The following MIDN variants were observed in gnomAD, a reference collection of about 807,000 sequenced individuals.
MIDN encodes the protein midnolin, also known as midbrain nucleolar protein.
MIDN carries 26 observed loss-of-function variants against 46.1 expected under a neutral mutation model. That is an observed-to-expected ratio of 0.56 (90% confidence interval 0.41 to 0.78). The LOEUF (loss-of-function observed/expected upper bound fraction) is 0.78, where lower values mean the gene tolerates loss of function less well. MIDN is among the 30% of genes least tolerant of loss of function. MIDN has a pLI of 0.00. For missense variants in MIDN, 850 were observed against 771.8 expected (o/e 1.10, Z -1.20); for synonymous variants, 432 against 343.3 (o/e 1.26, Z -2.86).
Position 1,254,451 on chromosome 19 carries a change from C to G in MIDN, c.798C>G (p.Ser266=), listed in dbSNP as rs1192701348. 26 of 1,562,552 alleles carry G rather than the reference C, an allele frequency of 1.7e-5. No individual in the cohort carries two copies. Among genetic ancestry groups the G allele is most frequent in the Non-Finnish European group, 2.2e-5 (26 of 1,161,258 alleles). Residue 266 remains serine (S), a synonymous_variant, in exon 6 of 9, where the codon TCC becomes TCG. Transcript: ENST00000682408. ...PSPITAGSFR[S]HAASTTCPEQ... Reference sequence around the variant, plus strand: ...CCATCACAGCCGGCTCCTTCCGGTCCCACGCAGCCTCCACCACCTGCCCGG... The same window carrying G: ...CCATCACAGCCGGCTCCTTCCGGTCGCACGCAGCCTCCACCACCTGCCCGG...
chr19:1,249,474 C>T (rs2081094138), intron 1 of MIDN, among the ~76,000 whole-genome samples: 1 of 149,860 alleles, frequency 6.7e-6, no homozygotes, highest in Non-Finnish European at 1.5e-5. Flanking sequence ...CGCGCCCCCT[C>T]CCGCTCCCGG....
chr19:1,258,554 C>T lies in MIDN; in HGVS notation c.*1282C>T, dbSNP rs1284555320. On this transcript the variant is annotated 3_prime_UTR_variant, in exon 9 of 9. Transcript: ENST00000682408. ...TAATGATAATGGAGATGTCTGGACC[C>T]TTCCTCACCCCACCTGTCGGTCTTG... The T allele has an allele frequency of 1.3e-5, 2 of 152,392 alleles. No homozygotes were observed. Among genetic ancestry groups the T allele is most frequent in the Admixed American group, 6.5e-5 (1 of 15,268 alleles). The allele number at this position is 152,392 out of a possible 1,614,324, so 9.4% of individuals were successfully genotyped here. A position where few individuals can be genotyped will look rare whatever the true frequency, so the allele number is the denominator to read the frequency against.
chr19:1,257,204 G>A lies in MIDN; in HGVS notation c.1468G>A (p.Asp490Asn), dbSNP rs764769740. ...SPSEASGLGL[D>N]FEDSVWKPEV... ...CAGCGAGGCCTCCGGCTTGGGCCTC[G>A]ACTTCGAGGACTCCGTGTGGAAGCC... Residue 490 changes from aspartate to asparagine, a missense_variant, in exon 9 of 9, where the codon GAC becomes AAC. Transcript: ENST00000682408. 5.0e-6 allele frequency: 8 copies of A among 1,612,112 alleles called. No individual in the cohort carries two copies. The highest frequency in any genetic ancestry group is 1.3e-5 in the African/African-American group (1 of 75,012).
At position 1,249,905 on chromosome 19, in the gene MIDN, G is replaced by A. The variant is rs1055514497; in HGVS notation, c.-392G>A. The A allele has an allele frequency of 1.9e-4, 29 of 152,088 alleles. 1 individual carries two copies. Among genetic ancestry groups the A allele is most frequent in the African/African-American group, 6.7e-4 (28 of 41,506 alleles). The allele number at this position is 152,088 out of a possible 1,614,324, so 9.4% of individuals were successfully genotyped here. On this transcript the variant is annotated 5_prime_UTR_variant, in exon 2 of 9. Coordinates refer to ENST00000682408, the MANE Select transcript of MIDN (RefSeq NM_001388306.1). ...TCACCCCCAGATCCTCCGAGCGGCG[G>A]CGACGGCTGTTGCTAAGGGAGGGGA...
intron 2 of MIDN, 99 bp from the exon 3 acceptor site, chr19:1,251,463 C>A: frequency 9.4e-7 from 1 of 1,067,458 alleles, no homozygotes; most frequent in Non-Finnish European, 1.4e-6. Context: ...GGAACTTATC[C>A]GTCTCTCCCC....
intron 4 of MIDN, among the ~76,000 whole-genome samples, chr19:1,252,517 C>T (rs1409741870): frequency 6.6e-6 from 1 of 151,852 alleles, no homozygotes; most frequent in Non-Finnish European, 1.5e-5. Flanking sequence ...GGGGCTGGCC[C>T]TCACCCGGTT....
At chr19:1,251,432 A>G in intron 2 of MIDN, 130 bp from the exon 3 acceptor site, 1 of 763,008 alleles carries the variant, frequency 1.3e-6, no homozygotes, top group Non-Finnish European at 2.0e-6. Flanking sequence ...TGGATCTGGA[A>G]GCCGGGAAGG....
At chr19:1,252,943 C>T (rs1285956713) in intron 4 of MIDN, among the ~76,000 whole-genome samples, 3 of 150,776 alleles carry the variant, frequency 2.0e-5, no homozygotes, top group Non-Finnish European at 4.4e-5. Context: ...CAGAGCTCCC[C>T]GCCGCTGGGG....
intron 6 of MIDN, 97 bp downstream of exon 6, chr19:1,254,575 G>C: frequency 7.6e-7 from 1 of 1,314,666 alleles, no homozygotes; most frequent in Non-Finnish European, 1.1e-6. Flanking sequence ...TTAGTCCCAG[G>C]TGAGTCCCTT....
Position 1,257,692 on chromosome 19 carries a change from C to T in MIDN, c.*420C>T. 1 of 187,242 alleles carries T rather than the reference C, an allele frequency of 5.3e-6. No homozygotes were observed. The allele number at this position is 187,242 out of a possible 1,614,324, so 11.6% of individuals were successfully genotyped here. A position where few individuals can be genotyped will look rare whatever the true frequency, so the allele number is the denominator to read the frequency against. On this transcript the variant is annotated 3_prime_UTR_variant, in exon 9 of 9. Transcript: ENST00000682408. ...GCCTCCTTTCCCCCCCGACCCTATT[C>T]AGGTTTTAAGTCAAAAATGTCGATA... is the stretch of plus-strand genomic sequence containing the variant.
chr19:1,251,494 C>A, intron 2 of MIDN, 68 bp from the exon 3 acceptor site: 4 of 1,429,948 alleles, frequency 2.8e-6, no homozygotes, highest in East Asian at 2.4e-5. Context: ...AGCCCTCCCC[C>A]GCGGCCTCTG....
intron 4 of MIDN, 145 bp from the exon 5 acceptor site, chr19:1,253,809 T>G: frequency 1.9e-6 from 1 of 519,392 alleles, no homozygotes; most frequent in Non-Finnish European, 2.9e-6. Context: ...CCCATGAGGG[T>G]GGGGGAAAGG....
At position 1,257,534 on chromosome 19, in the gene MIDN, C is replaced by A; in HGVS notation, c.*262C>A. The A allele has an allele frequency of 4.5e-6, 2 of 446,114 alleles. No individual in the cohort carries two copies. The highest frequency in any genetic ancestry group is 6.5e-5 in the South Asian group (2 of 30,666). The allele number at this position is 446,114 out of a possible 1,614,324, so 27.6% of individuals were successfully genotyped here. On this transcript the variant is annotated 3_prime_UTR_variant, in exon 9 of 9. Transcript: ENST00000682408. The stretch of plus-strand genomic sequence containing the variant: ...CCCTCCTCTTCCTCCTCCTCCTCCT[C>A]CTCCGTCTGTCTCCTTTCACCTCTG...
At chr19:1,249,344 G>A (rs1406962844) in intron 1 of MIDN, among the ~76,000 whole-genome samples, 3 of 149,958 alleles carry the variant, frequency 2.0e-5, no homozygotes, top group East Asian at 3.9e-4. Flanking sequence ...CGCCCGCCCC[G>A]GGACCCCGGC....
At chr19:1,256,815 T>G (rs1294863144) in intron 8 of MIDN, among the ~76,000 whole-genome samples, 180 bp from the exon 9 acceptor site, 1 of 152,194 alleles carries the variant, frequency 6.6e-6, no homozygotes, top group Non-Finnish European at 1.5e-5. Flanking sequence ...GTGCTGAGAT[T>G]ACAGGCGTGA....
Position 1,255,059 on chromosome 19 carries a change from C to T in MIDN, c.983C>T (p.Ser328Phe), listed in dbSNP as rs750214013. 7 of 1,611,714 alleles carry T rather than the reference C, an allele frequency of 4.3e-6. No homozygotes were observed. The highest frequency in any genetic ancestry group is 5.9e-6 in the Non-Finnish European group (7 of 1,178,870). The change falls in exon 7 of 9, where the codon TCT becomes TTT. Residue 328 changes from serine (S) to phenylalanine (F), a missense_variant and splice_region_variant. By Grantham distance (155) the Ser-to-Phe change is radical (BLOSUM62 -2). Transcript: ENST00000682408. ...HAPGVFSGTF[S>F]GTLHPNCQDS... ...CCGGGGGTCTTCTCAGGGACCTTCT[C>T]TGGTAGGTGTCACAGCACATGTGTG...
Position 1,257,609 on chromosome 19 carries a change from GTC to G in MIDN, c.*343_*344del, listed in dbSNP as rs967878343. 4.2e-5 allele frequency: 12 copies of G among 287,660 alleles called. No individual in the cohort carries two copies. The highest frequency in any genetic ancestry group is 1.7e-4 in the South Asian group (3 of 17,896). The allele number at this position is 287,660 out of a possible 1,614,324, so 17.8% of individuals were successfully genotyped here. A position where few individuals can be genotyped will look rare whatever the true frequency, so the allele number is the denominator to read the frequency against. On this transcript the variant is annotated 3_prime_UTR_variant, in exon 9 of 9. Coordinates refer to ENST00000682408, the MANE Select transcript of MIDN (RefSeq NM_001388306.1). ...CCTTCCCCAGCTCCAATATGTAGCA[GTC>G]TCTCTGGATGGCGGAGAGTGAAGGA...
chr19:1,253,157 G>A (rs548918458), intron 4 of MIDN, among the ~76,000 whole-genome samples: 1 of 152,022 alleles, frequency 6.6e-6, no homozygotes, highest in African/African-American at 2.4e-5. Flanking sequence ...GGCGGGTGGT[G>A]GTGGGGACTC....
rs1001512806 is a variant in MIDN at position 1,254,494 on chromosome 19, G to A, written c.825+16G>A. On this transcript the variant is annotated intron_variant, in intron 6 of 8. Coordinates refer to ENST00000682408, the MANE Select transcript of MIDN (RefSeq NM_001388306.1). ...CTGCCCGGAGGTGAGCCTGGGGAAG[G>A]GAAGGGTGACCCTTGGTTGGAATCC... 3.9e-6 allele frequency: 6 copies of A among 1,542,252 alleles called. No homozygotes were observed. Among genetic ancestry groups the A allele is most frequent in the Non-Finnish European group, 5.2e-6 (6 of 1,150,154 alleles).
Sources: gnomAD v4.1 joint callset for allele counts (sites outside exome capture counted in the v4.1 genomes callset) on GRCh38, gnomAD v4.1.1 for gene constraint, MANE v1.5 for transcripts, NCBI Gene and HGNC (gene_info 2026-07-23, HGNC 2026-07-21) for gene names.